The following CES1 variants were observed in gnomAD, a reference collection of about 807,000 sequenced individuals.
CES1 encodes the protein liver carboxylesterase 1.
In CES1, 50 loss-of-function variants were observed where a neutral mutation model predicts 53.0. The observed-to-expected ratio is 0.94, with a 90% CI of 0.75 to 1.19. The LOEUF (loss-of-function observed/expected upper bound fraction) is 1.19, where lower values mean the gene tolerates loss of function less well. CES1 is among the 50% of genes most tolerant of loss of function. CES1 has a pLI of 0.00. For synonymous variants in CES1, 202 were observed against 210.1 expected, an observed-to-expected ratio of 0.96 and a Z score of 0.33; for missense variants, 534 against 538.0, an observed-to-expected ratio of 0.99 and a Z score of 0.07.
chr16:55,821,648 A>G, intron 4 of CES1, 127 bp from the exon 5 acceptor site: 8 of 1,016,052 alleles, frequency 7.9e-6, no homozygotes, highest in Non-Finnish European at 1.2e-5. Flanking sequence ...CATCTCTGAG[A>G]CCCTGCTTTC....
chr16:55,813,848 C>T (rs1304887713), intron 8 of CES1, among the ~76,000 whole-genome samples: 15 of 152,216 alleles, frequency 9.9e-5, no homozygotes, highest in African/African-American at 2.7e-4. Context: ...CTAAATAGAC[C>T]GCGAAGAGGA....
chr16:55,820,516 A>G, intron 5 of CES1, 37 bp from the exon 6 acceptor site: 5 of 1,606,772 alleles, frequency 3.1e-6, no homozygotes, highest in Non-Finnish European at 4.3e-6. Flanking sequence ...GTTCATGCTC[A>G]GGAGTGGGGT....
chr16:55,810,227 C>G (rs1268408518), intron 11 of CES1, among the ~76,000 whole-genome samples: 4 of 152,164 alleles, frequency 2.6e-5, no homozygotes, highest in Non-Finnish European at 4.4e-5. Flanking sequence ...CCCTTGACAA[C>G]GCATCTTGGA....
chr16:55,823,307 G>C (rs2032279931), intron 4 of CES1, among the ~76,000 whole-genome samples: 1 of 152,216 alleles, frequency 6.6e-6, no homozygotes, highest in Admixed American at 6.5e-5. Flanking sequence ...CTTGCAGGAT[G>C]AAGAGGTGTT....
At position 55,816,910 on chromosome 16, in the gene CES1, C is replaced by T. The variant is rs1378487862; in HGVS notation, c.945+14G>A. ...AGACTCAAAACCCGTAATCCAGAAA[C>T]AAAAGGTCCTTACCTCTCTGGGGTC... On this transcript the variant is annotated intron_variant, in intron 8 of 13. Coordinates refer to ENST00000360526, the MANE Select transcript of CES1 (RefSeq NM_001025195.2). 1 of 1,613,702 alleles carries T rather than the reference C, an allele frequency of 6.2e-7. No individual in the cohort carries two copies. Among genetic ancestry groups the T allele is most frequent in the African/African-American group, 1.3e-5 (1 of 74,890 alleles).
At position 55,826,238 on chromosome 16, in the gene CES1, C is replaced by T. The variant is rs752250110; in HGVS notation, c.318G>A (p.Lys106=). The change falls in exon 3 of 14, where the codon AAG becomes AAA. Residue 106 remains lysine (K), a synonymous_variant. Coordinates refer to ENST00000360526, the MANE Select transcript of CES1 (RefSeq NM_001025195.2). The part of the protein sequence containing the change: ...QLLSELFTNR[K]ENIPLKLSED... ...CAGAAAGCTTGAGAGGAATGTTCTC[C>T]TTTCGGTTTGTAAATAGCTCTGAGA... 1.4e-5 allele frequency: 22 copies of T among 1,613,792 alleles called. No homozygotes were observed. Among genetic ancestry groups the T allele is most frequent in the African/African-American group, 9.3e-5 (7 of 74,890 alleles).
intron 2 of CES1, among the ~76,000 whole-genome samples, chr16:55,826,984 T>C (rs2032442409): frequency 6.6e-6 from 1 of 152,188 alleles, no homozygotes; most frequent in Admixed American, 6.5e-5. Flanking sequence ...TATCTCCATT[T>C]TACAGATGAG....
rs769769263 is a variant in CES1, at chr16:55,826,194, T to C, written c.362A>G (p.Asn121Ser). The change falls in exon 3 of 14, where the codon AAT (asparagine) becomes AGT (serine). Residue 121 changes from asparagine to serine, a missense_variant. Coordinates refer to ENST00000360526, the MANE Select transcript of CES1 (RefSeq NM_001025195.2). ...GGTCAAGTCAGCAGGAGTGTAAATA[T>C]TGAGGTAAAGACAGTCTTCAGAAAG... Reference protein sequence around the residue: ...LKLSEDCLYLNIYTPADLTKK... With the variant: ...LKLSEDCLYLSIYTPADLTKK... 8 of 1,613,932 alleles carry C rather than the reference T, an allele frequency of 5.0e-6. No individual in the cohort carries two copies. Among genetic ancestry groups the C allele is most frequent in the Non-Finnish European group, 5.9e-6 (7 of 1,179,852 alleles).
intron 3 of CES1, among the ~76,000 whole-genome samples, chr16:55,825,187 T>C (rs201578977): frequency 0.042 from 4,637 of 110,400 alleles, 175 homozygotes; most frequent in East Asian, 0.15. Context: ...AATGAATGAA[T>C]GAATGAATGA....
At chr16:55,808,648 A>C (rs2031542066) in intron 11 of CES1, among the ~76,000 whole-genome samples, 1 of 152,190 alleles carries the variant, frequency 6.6e-6, no homozygotes, top group Non-Finnish European at 1.5e-5. Context: ...ATTATTAGAC[A>C]TGTGTTTAGA....
chr16:55,817,814 G>A (rs376739717), intron 7 of CES1, among the ~76,000 whole-genome samples: 10 of 152,044 alleles, frequency 6.6e-5, no homozygotes, highest in South Asian at 2.1e-4. Context: ...GAGGCAGCGC[G>A]TAATCATGGA....
rs561460369 is a variant in CES1 at position 55,833,095 on chromosome 16, G to C, written c.-40C>G. 8 of 1,513,488 alleles carry C rather than the reference G, an allele frequency of 5.3e-6. No homozygotes were observed. The African/African-American group carries it at 5.5e-5, about 10-fold the overall frequency. 93.8% of individuals were successfully genotyped at this position (1,513,488 alleles called of 1,614,324 possible). On this transcript the variant is annotated 5_prime_UTR_variant, in exon 1 of 14. Transcript: ENST00000360526. ...AGTTCTCGGGGCCTGCGAGGTCTCT[G>C]TGCAGTTCAGAGGGACTGTGCTGTC... is the stretch of plus-strand genomic sequence containing the variant.
intron 5 of CES1, among the ~76,000 whole-genome samples, chr16:55,821,074 A>AAGAGAGAGAGAG (rs59890072): frequency 4.0e-5 from 6 of 149,850 alleles, no homozygotes; most frequent in Admixed American, 3.3e-4. Context: ...GAGAGAGAGA[A>AAGAGAGAGAGAG]AGAGAGAGAG....
At chr16:55,811,183 C>A (rs142887261) in intron 9 of CES1, among the ~76,000 whole-genome samples, 173 bp from the exon 10 acceptor site, 1 of 149,330 alleles carries the variant, frequency 6.7e-6, no homozygotes, top group South Asian at 2.1e-4. Flanking sequence ...GGGCTTATAT[C>A]CAGAAACTCA....
At chr16:55,816,336 C>T (rs373875605) in intron 8 of CES1, among the ~76,000 whole-genome samples, 8,348 of 151,836 alleles carry the variant, frequency 0.055, 85 homozygotes, top group Middle Eastern at 0.12. Flanking sequence ...GAATGAATCT[C>T]ATGTACTCCG....
At chr16:55,822,789 T>C (rs573183219) in intron 4 of CES1, among the ~76,000 whole-genome samples, 8 of 152,108 alleles carry the variant, frequency 5.3e-5, no homozygotes, top group South Asian at 2.1e-4. Flanking sequence ...TGAGTGGCCA[T>C]CTGCTGCTGC....
chr16:55,809,904 C>G (rs1364206582), intron 11 of CES1, among the ~76,000 whole-genome samples: 2 of 152,234 alleles, frequency 1.3e-5, no homozygotes, highest in African/African-American at 4.8e-5. Flanking sequence ...GGCATGGAGC[C>G]CTTGCAGCAG....
chr16:55,809,185 A>G (rs1449883201), intron 11 of CES1, among the ~76,000 whole-genome samples: 1 of 151,380 alleles, frequency 6.6e-6, no homozygotes, highest in African/African-American at 2.4e-5. Context: ...CAGAAAATGG[A>G]GATGGGAACT....
At position 55,822,351 on chromosome 16, in the gene CES1, G is replaced by A. The variant is rs74615831; in HGVS notation, c.540-830C>T. On this transcript the variant is annotated intron_variant, in intron 4 of 13. Transcript: ENST00000360526. ...AGAGCTTTGGCTGGGCTAGGAGCCA[G>A]GGAAGAGGTGCAAAGTAGGGGACTC... 4.4e-3 allele frequency among the ~76,000 whole-genome samples: 668 copies of A among 152,350 alleles called. 9 individuals carry two copies. Among genetic ancestry groups the A allele is most frequent in the African/African-American group, 0.015 (637 of 41,558 alleles).
Sources: gnomAD v4.1 joint callset for allele counts (sites outside exome capture counted in the v4.1 genomes callset) on GRCh38, gnomAD v4.1.1 for gene constraint, MANE v1.5 for transcripts, NCBI Gene and HGNC (gene_info 2026-07-23, HGNC 2026-07-21) for gene names.